The following NRG4 variants were observed in gnomAD, a reference collection of about 807,000 sequenced individuals.
NRG4 encodes neuregulin 4, also known as pro-neuregulin-4, membrane-bound isoform.
In NRG4, 10 loss-of-function variants were observed where a neutral mutation model predicts 15.0. The ratio of observed to expected loss-of-function variants is 0.67; its 90% CI spans 0.41 to 1.13. The LOEUF (loss-of-function observed/expected upper bound fraction) is 1.13, where lower values mean the gene tolerates loss of function less well. NRG4 is among the 50% of genes most tolerant of loss of function. The pLI is 0.00. For synonymous variants in NRG4, 41 were observed against 50.1 expected (o/e 0.82, Z 0.77); for missense variants, 139 against 140.2 (o/e 0.99, Z 0.04).
At chr15:76,054,886 C>T (rs1264390640) in intron 2 of NRG4, among the ~76,000 whole-genome samples, 2 of 152,136 alleles carry the variant, frequency 1.3e-5, no homozygotes, top group African/African-American at 2.4e-5. Context: ...TACTAAATAA[C>T]ATTACACCTC....
intron 2 of NRG4, among the ~76,000 whole-genome samples, chr15:76,055,895 T>C (rs1417758754): frequency 6.6e-6 from 1 of 152,242 alleles, no homozygotes; most frequent in African/African-American, 2.4e-5. Flanking sequence ...CTATTGTCCA[T>C]ACCCAAGATC....
At chr15:75,987,450 C>G (rs553497028) in intron 3 of NRG4, among the ~76,000 whole-genome samples, 2 of 152,234 alleles carry the variant, frequency 1.3e-5, no homozygotes, top group African/African-American at 2.4e-5. Flanking sequence ...AATCATACCT[C>G]CAATGTGATG....
upstream of NRG4, among the ~76,000 whole-genome samples, chr15:76,013,081 C>T (rs750540531): frequency 1.1e-4 from 16 of 152,044 alleles, no homozygotes; most frequent in Admixed American, 8.5e-4. Context: ...CTAAAATATG[C>T]CAAACATTTA....
chr15:75,948,351 A>C (rs993634270), intron 5 of NRG4, among the ~76,000 whole-genome samples: 7 of 149,104 alleles, frequency 4.7e-5, no homozygotes, highest in Admixed American at 6.6e-5. Flanking sequence ...ATTTATTGAG[A>C]TGGAATCTCG....
Position 75,982,509 on chromosome 15 carries a change from A to G in NRG4, c.105-20535T>C, listed in dbSNP as rs1050470184. On this transcript the variant is annotated intron_variant, in intron 3 of 5. Transcript: ENST00000394907. ...CTAGCTAAGATGCTATAGAATGACC[A>G]CCACTTCTAGCTCCCTGCAGAAAAC... 2.8e-4 allele frequency among the ~76,000 whole-genome samples: 43 copies of G among 152,200 alleles called. 1 individual carries two copies. The highest frequency in any genetic ancestry group is 1.0e-3 in the African/African-American group (42 of 41,454).
At chr15:75,984,920 C>T (rs1430420926) in intron 3 of NRG4, among the ~76,000 whole-genome samples, 1 of 152,170 alleles carries the variant, frequency 6.6e-6, no homozygotes, top group Non-Finnish European at 1.5e-5. Context: ...TCTCAGTTCA[C>T]TGCAACTTCC....
intron 5 of NRG4, among the ~76,000 whole-genome samples, chr15:75,944,757 GTGT>G (rs2031360165): frequency 3.0e-4 from 1 of 3,326 alleles, no homozygotes; most frequent in Non-Finnish European, 0.025. Flanking sequence ...AAAGGCTTTT[GTGT>G]GTGTGTGTGG....
intron 4 of NRG4, among the ~76,000 whole-genome samples, chr15:75,961,208 A>C (rs2454470): frequency 0.084 from 12,740 of 152,222 alleles, 1,280 homozygotes; most frequent in African/African-American, 0.25. Context: ...ACTTTTACAA[A>C]ATTTCAAAAA....
chr15:75,992,762 C>T (rs886177193), intron 3 of NRG4, among the ~76,000 whole-genome samples: 1 of 152,088 alleles, frequency 6.6e-6, no homozygotes, highest in Non-Finnish European at 1.5e-5. Flanking sequence ...CAGAATTACA[C>T]ATTTGGGGTT....
At chr15:76,021,304 G>A (rs1165297290) in intron 5 of NRG4, among the ~76,000 whole-genome samples, 1 of 152,082 alleles carries the variant, frequency 6.6e-6, no homozygotes, top group African/African-American at 2.4e-5. Context: ...ACTCACTGAG[G>A]GCTCAGATGT....
chr15:75,943,534 A>G lies in NRG4; in HGVS notation c.*104T>C, dbSNP rs1164603623. Reference sequence around the variant, plus strand: ...ATGATACGAGTTACACAAGCGTTTTATTTAAGAAATAAAGGATTAGATTTT... The same window carrying G: ...ATGATACGAGTTACACAAGCGTTTTGTTTAAGAAATAAAGGATTAGATTTT... On this transcript the variant is annotated 3_prime_UTR_variant, in exon 6 of 6. Coordinates refer to ENST00000394907, the MANE Select transcript of NRG4 (RefSeq NM_138573.4). The G allele has an allele frequency of 1.4e-6, 1 of 715,886 alleles. No homozygotes were observed. Among genetic ancestry groups the G allele is most frequent in the African/African-American group, 1.8e-5 (1 of 56,066 alleles). 44.3% of individuals were successfully genotyped at this position (715,886 alleles called of 1,614,324 possible).
At position 75,997,419 on chromosome 15, in the gene NRG4, C is replaced by T. The variant is rs186203940; in HGVS notation, c.104+11781G>A. 8.6e-4 allele frequency among the ~76,000 whole-genome samples: 130 copies of T among 151,816 alleles called. No homozygotes were observed. In the East Asian group the frequency reaches 0.018, roughly 20 times the overall value. The stretch of plus-strand genomic sequence containing the variant: ...TCTTGGTTTTTCTCAAAAATTCACT[C>T]GAGAAACATTTTTGAGTAGTTTATT... On this transcript the variant is annotated intron_variant, in intron 3 of 5. Transcript: ENST00000394907.
intron 5 of NRG4, among the ~76,000 whole-genome samples, chr15:75,953,717 T>A (rs1459111107): frequency 6.6e-6 from 1 of 152,196 alleles, no homozygotes; most frequent in Non-Finnish European, 1.5e-5. Flanking sequence ...TGTCTTGGTG[T>A]ATTACTACTC....
intron 3 of NRG4, 150 bp from the exon 4 acceptor site, chr15:75,962,124 A>G (rs2141816052): frequency 2.0e-6 from 1 of 509,538 alleles, no homozygotes; most frequent in Non-Finnish European, 3.4e-6. Flanking sequence ...TAATGCTCAC[A>G]GATCTACAGT....
intron 5 of NRG4, among the ~76,000 whole-genome samples, chr15:75,954,085 T>G (rs1023703419): frequency 3.9e-5 from 6 of 152,178 alleles, no homozygotes; most frequent in African/African-American, 1.4e-4. Context: ...TCTTATCTCC[T>G]TCAGGGACTC....
chr15:75,991,742 G>T (rs2034025621), intron 3 of NRG4, among the ~76,000 whole-genome samples: 1 of 151,666 alleles, frequency 6.6e-6, no homozygotes, highest in African/African-American at 2.4e-5. Flanking sequence ...TGATTCTAAA[G>T]CTCTGTTATT....
At chr15:76,038,068 C>T (rs2035638099) in intron 4 of NRG4, among the ~76,000 whole-genome samples, 1 of 152,176 alleles carries the variant, frequency 6.6e-6, no homozygotes, top group Non-Finnish European at 1.5e-5. Context: ...GCATCATCTG[C>T]TGGCTAAAGA....
At chr15:75,947,679 A>G (rs1476638628) in intron 5 of NRG4, among the ~76,000 whole-genome samples, 3 of 152,220 alleles carry the variant, frequency 2.0e-5, no homozygotes, top group African/African-American at 7.2e-5. Flanking sequence ...GCTAGATAAT[A>G]TGGAAATTCT....
chr15:75,993,907 C>A (rs892919205), intron 3 of NRG4, among the ~76,000 whole-genome samples: 1 of 152,080 alleles, frequency 6.6e-6, no homozygotes, highest in African/African-American at 2.4e-5. Flanking sequence ...TGATAATAAG[C>A]AAATTTTCTG....
Sources: allele counts gnomAD v4.1 joint callset (sites outside exome capture counted in the v4.1 genomes callset), GRCh38; gene constraint gnomAD v4.1.1; transcripts MANE v1.5; gene names NCBI Gene and HGNC (gene_info 2026-07-23, HGNC 2026-07-21).